The following PTPRZ1 variants were observed in gnomAD, a reference collection of about 807,000 sequenced individuals.
PTPRZ1 encodes receptor-type tyrosine-protein phosphatase zeta.
PTPRZ1 carries 82 observed loss-of-function variants against 214.1 expected under a neutral mutation model. The observed-to-expected ratio is 0.38, with a 90% confidence interval of 0.32 to 0.46. PTPRZ1 has a LOEUF of 0.46. PTPRZ1 is among the 20% of genes least tolerant of loss of function. The pLI, the probability that PTPRZ1 is intolerant of heterozygous loss-of-function variation, is 1.00. For missense variants in PTPRZ1, 2,603 were observed against 2,748.7 expected, an observed-to-expected ratio of 0.95 and a Z score of 1.19; for synonymous variants, 945 against 987.9, an observed-to-expected ratio of 0.96 and a Z score of 0.81.
At chr7:121,989,375 GT>G (rs11395654) in intron 8 of PTPRZ1, among the ~76,000 whole-genome samples, 27 of 137,410 alleles carry the variant, frequency 2.0e-4, no homozygotes, top group Admixed American at 8.1e-4. Flanking sequence ...TCCTATGAAA[GT>G]TTTTTTTTTT....
chr7:122,038,871 C>A lies in PTPRZ1; in HGVS notation c.5484C>A (p.Asn1828Lys). The change falls in exon 19 of 30, where the codon AAC becomes AAA. Residue 1828 changes from asparagine to lysine, a missense_variant. Asn to Lys is a moderately conservative substitution (Grantham distance 94, BLOSUM62 0). This residue lies in a region of PTPRZ1 where 1,913 missense variants were observed against 1,914.3 expected (regional missense o/e 1.00). Transcript: ENST00000393386. Reference protein sequence around the residue: ...HNVEVIVMITNLVEKGRRKCD... With the variant: ...HNVEVIVMITKLVEKGRRKCD... ...TGGAAGTTATTGTCATGATAACAAACCTCGTGGAGAAAGGAAGGGTATGTA... is the reference window on the plus strand; with the variant it reads ...TGGAAGTTATTGTCATGATAACAAAACTCGTGGAGAAAGGAAGGGTATGTA... The A allele has an allele frequency of 6.2e-7, 1 of 1,613,710 alleles. No homozygotes were observed. The highest frequency in any genetic ancestry group is 8.5e-7 in the Non-Finnish European group (1 of 1,179,816).
At chr7:121,928,412 T>C (rs1795827611) in intron 2 of PTPRZ1, among the ~76,000 whole-genome samples, 191 bp downstream of exon 2, 1 of 152,156 alleles carries the variant, frequency 6.6e-6, no homozygotes, top group East Asian at 1.9e-4. Context: ...AATTTGGTAA[T>C]GTAGGGCTTA....
chr7:121,990,372 A>T (rs1797914807), intron 8 of PTPRZ1, among the ~76,000 whole-genome samples: 1 of 152,062 alleles, frequency 6.6e-6, no homozygotes, highest in Admixed American at 6.6e-5. Context: ...TGCATATTTT[A>T]TCTGTATTTC....
chr7:122,033,919 A>T, intron 15 of PTPRZ1, 176 bp from the exon 16 acceptor site: 1 of 568,210 alleles, frequency 1.8e-6, no homozygotes. Flanking sequence ...ATTATTAGAC[A>T]TTTTGATTTG....
chr7:122,028,804 T>G (rs1384508754), intron 14 of PTPRZ1, among the ~76,000 whole-genome samples, 161 bp downstream of exon 14: 2 of 152,144 alleles, frequency 1.3e-5, no homozygotes, highest in Non-Finnish European at 2.9e-5. Flanking sequence ...TTCCAGGTAC[T>G]CAGGTTTATA....
chr7:121,877,481 ATTT>A (rs1359711199), intron 1 of PTPRZ1, among the ~76,000 whole-genome samples: 8 of 152,124 alleles, frequency 5.3e-5, no homozygotes, highest in Admixed American at 3.9e-4. Flanking sequence ...CATAATTTAC[ATTT>A]TTACCATCTT....
At chr7:122,017,579 T>TTTC (rs1343590297) in intron 12 of PTPRZ1, among the ~76,000 whole-genome samples, 1 of 55,616 alleles carries the variant, frequency 1.8e-5, no homozygotes, top group African/African-American at 1.3e-4. Context: ...TTATTTATTT[T>TTTC]GAGATAGAGT....
intron 1 of PTPRZ1, among the ~76,000 whole-genome samples, chr7:121,889,549 A>G (rs1177716058): frequency 6.6e-6 from 1 of 152,194 alleles, no homozygotes; most frequent in Non-Finnish European, 1.5e-5. Context: ...GGTTAAAATA[A>G]TAGGTGTTTC....
rs1792511286 is a variant in PTPRZ1, at chr7:122,059,822, T to A, written c.6741T>A (p.Asn2247Lys). Residue 2247 changes from asparagine (N) to lysine (K), a missense_variant, in exon 29 of 30, where the codon AAT (asparagine) becomes AAA (lysine). By Grantham distance (94) the Asn-to-Lys change is moderately conservative (BLOSUM62 0). This residue lies in a region of PTPRZ1 where 165 missense variants were observed against 151.4 expected (regional missense o/e 1.09). Transcript: ENST00000393386. ...TTATGCACCAACTAGAAAAAGAAAA[T>A]TCCGTGGATGTTTACCAGGTAGCCA... The part of the protein sequence containing the change: ...TTLMHQLEKE[N>K]SVDVYQVAKM... 2 of 1,613,472 alleles carry A rather than the reference T, an allele frequency of 1.2e-6. No homozygotes were observed. The highest frequency in any genetic ancestry group is 1.7e-6 in the Non-Finnish European group (2 of 1,179,744).
At chr7:121,910,631 A>G (rs905243762) in intron 1 of PTPRZ1, among the ~76,000 whole-genome samples, 2 of 152,156 alleles carry the variant, frequency 1.3e-5, no homozygotes, top group Non-Finnish European at 2.9e-5. Context: ...AAATGAAGAA[A>G]GAAAAGACTA....
intron 10 of PTPRZ1, among the ~76,000 whole-genome samples, chr7:122,002,638 C>A (rs80223523): frequency 1.3e-5 from 2 of 152,278 alleles, no homozygotes; most frequent in East Asian, 3.9e-4. Flanking sequence ...GATAGTTATA[C>A]ATACCCTTCC....
At chr7:121,934,858 A>G (rs1281653630) in intron 2 of PTPRZ1, among the ~76,000 whole-genome samples, 1 of 152,202 alleles carries the variant, frequency 6.6e-6, no homozygotes. Flanking sequence ...GACTAAAGCA[A>G]GCCTCGTTGT....
intron 8 of PTPRZ1, among the ~76,000 whole-genome samples, chr7:121,992,316 CTTGA>C (rs1346042082): frequency 6.6e-6 from 1 of 152,196 alleles, no homozygotes; most frequent in Non-Finnish European, 1.5e-5. Context: ...CATCAACTTT[CTTGA>C]TTAACAAAGA....
Position 121,980,570 on chromosome 7 carries a change from G to A in PTPRZ1, c.620-3095G>A, listed in dbSNP as rs190031770. Among the ~76,000 whole-genome samples, 448 of 152,258 alleles carry A rather than the reference G, an allele frequency of 2.9e-3. 2 individuals are homozygous for A. Among genetic ancestry groups the A allele is most frequent in the Middle Eastern group, 6.8e-3 (2 of 294 alleles). ...AAAACTACATGTAGGACATATTGAC[G>A]TGACTATCAATTCAGTTAAGAAAAG... On this transcript the variant is annotated intron_variant, in intron 6 of 29. Coordinates refer to ENST00000393386, the MANE Select transcript of PTPRZ1 (RefSeq NM_002851.3).
intron 6 of PTPRZ1, among the ~76,000 whole-genome samples, chr7:121,977,983 C>T (rs1005016780): frequency 3.3e-5 from 5 of 152,174 alleles, no homozygotes; most frequent in African/African-American, 1.2e-4. Flanking sequence ...TTAACCCTGA[C>T]TTGTGCAACT....
intron 1 of PTPRZ1, among the ~76,000 whole-genome samples, chr7:121,917,034 T>C (rs1795448621): frequency 6.6e-6 from 1 of 152,244 alleles, no homozygotes; most frequent in African/African-American, 2.4e-5. Flanking sequence ...AAAATGATTC[T>C]GCTAGCCAGC....
At chr7:121,972,421 A>G in intron 3 of PTPRZ1, 120 bp from the exon 4 acceptor site, 2 of 1,082,324 alleles carry the variant, frequency 1.8e-6, no homozygotes, top group Non-Finnish European at 2.6e-6. Context: ...GCGACTTCAT[A>G]TTTTGTAAAT....
At chr7:121,923,360 T>G (rs181290979) in intron 1 of PTPRZ1, among the ~76,000 whole-genome samples, 252 of 152,350 alleles carry the variant, frequency 1.7e-3, no homozygotes, top group African/African-American at 5.6e-3. Flanking sequence ...ATCATCTACC[T>G]TGAACAAATT....
Position 121,989,359 on chromosome 7 carries a change from C to A in PTPRZ1, c.928+5242C>A, listed in dbSNP as rs531857051. 2.0e-5 allele frequency among the ~76,000 whole-genome samples: 3 copies of A among 148,308 alleles called. No homozygotes were observed. In the East Asian group the frequency reaches 6.0e-4, roughly 30 times the overall value. On this transcript the variant is annotated intron_variant, in intron 8 of 29. Coordinates refer to ENST00000393386, the MANE Select transcript of PTPRZ1 (RefSeq NM_002851.3). Reference sequence around the variant, plus strand: ...ATCATTTGTCCTGTGCATAGAAATACTGTGTTCCTATGAAAGTTTTTTTTT... The same window carrying A: ...ATCATTTGTCCTGTGCATAGAAATAATGTGTTCCTATGAAAGTTTTTTTTT...
Sources: allele counts gnomAD v4.1 joint callset (sites outside exome capture counted in the v4.1 genomes callset), GRCh38; gene constraint gnomAD v4.1.1; regional missense constraint gnomAD v4.1.1; transcripts MANE v1.5; gene names NCBI Gene and HGNC (gene_info 2026-07-23, HGNC 2026-07-21).